Variants in MCPH1 observed in about 807,000 individuals in gnomAD.
The protein encoded by MCPH1 is microcephalin 1, also known as microcephalin.
Under a neutral mutation model 84.5 loss-of-function variants are expected in MCPH1, and 104 were observed. That is an observed-to-expected ratio of 1.23 (90% CI 1.05 to 1.45). The LOEUF is 1.45. Among genes scored for constraint, MCPH1 ranks in the 40% most tolerant of loss-of-function variants. The pLI is 0.00. For missense variants in MCPH1, 1,498 were observed against 1,005.7 expected (o/e 1.49, Z -6.62); for synonymous variants, 514 against 366.8 (o/e 1.40, Z -4.58).
intron 12 of MCPH1, among the ~76,000 whole-genome samples, chr8:6,523,043 A>G (rs3020222): frequency 0.075 from 11,427 of 151,578 alleles, 516 homozygotes; most frequent in African/African-American, 0.12. Context: ...TGTCACCCAG[A>G]CTGGAGTGCA....
At chr8:6,413,417 T>A (rs1798813426) in intron 2 of MCPH1, among the ~76,000 whole-genome samples, 1 of 151,414 alleles carries the variant, frequency 6.6e-6, no homozygotes, top group South Asian at 2.1e-4. Context: ...TGTGGGGGAT[T>A]CTTTTGATCT....
chr8:6,474,825 A>T (rs1376594889), intron 9 of MCPH1, among the ~76,000 whole-genome samples: 1 of 152,086 alleles, frequency 6.6e-6, no homozygotes. Flanking sequence ...ATAGCGAGAG[A>T]CCCCATCTTA....
At chr8:6,563,393 G>GCCT (rs1311096411) in intron 12 of MCPH1, 1 of 154,930 alleles carries the variant, frequency 6.5e-6, no homozygotes. Context: ...AGAGCAGAAT[G>GCCT]CCTGCCCTCC....
intron 12 of MCPH1, among the ~76,000 whole-genome samples, chr8:6,559,230 A>ACACACAC (rs113856995): frequency 6.8e-6 from 1 of 146,726 alleles, no homozygotes; most frequent in Non-Finnish European, 1.5e-5. Flanking sequence ...CACACACGAC[A>ACACACAC]ACACACACAC....
intron 12 of MCPH1, among the ~76,000 whole-genome samples, chr8:6,549,172 A>G (rs1328451764): frequency 7.9e-5 from 12 of 152,232 alleles, no homozygotes; most frequent in Non-Finnish European, 1.2e-4. Context: ...GGGTTTGTAC[A>G]GTTGAGTGTT....
chr8:6,467,961 A>T (rs571368742), intron 9 of MCPH1, among the ~76,000 whole-genome samples: 1 of 152,314 alleles, frequency 6.6e-6, no homozygotes, highest in South Asian at 2.1e-4. Context: ...TCAAAATAGT[A>T]GCACTAGCCA....
At chr8:6,536,549 C>G (rs959642570) in intron 12 of MCPH1, among the ~76,000 whole-genome samples, 4 of 152,110 alleles carry the variant, frequency 2.6e-5, no homozygotes, top group African/African-American at 9.7e-5. Context: ...TTAAAGATGA[C>G]CAATGCCAAT....
chr8:6,504,783 G>C lies in MCPH1; in HGVS notation c.2214+4854G>C, dbSNP rs868103640. On this transcript the variant is annotated intron_variant, in intron 12 of 13. Transcript: ENST00000344683. Reference sequence around the variant, plus strand: ...GTTTTATTATTGTTAAGTCTCTTGTGACTAGTTTACAAACTAAACTTTGTA... The same window carrying C: ...GTTTTATTATTGTTAAGTCTCTTGTCACTAGTTTACAAACTAAACTTTGTA... 2.6e-5 allele frequency among the ~76,000 whole-genome samples: 4 copies of C among 152,242 alleles called. No homozygotes were observed. The South Asian group carries it at 8.3e-4, about 32-fold the overall frequency.
At chr8:6,523,048 A>C (rs1041090351) in intron 12 of MCPH1, among the ~76,000 whole-genome samples, 5 of 151,262 alleles carry the variant, frequency 3.3e-5, no homozygotes, top group Non-Finnish European at 7.4e-5. Flanking sequence ...CCCAGACTGG[A>C]GTGCAAGGGT....
At chr8:6,642,455 G>A (rs140599502) in intron 13 of MCPH1, among the ~76,000 whole-genome samples, 100 of 152,256 alleles carry the variant, frequency 6.6e-4, no homozygotes, top group African/African-American at 2.4e-3. Context: ...GGACTTTAGA[G>A]CTTCTTTAAT....
intron 9 of MCPH1, among the ~76,000 whole-genome samples, chr8:6,473,353 C>T (rs180823609): frequency 0.16 from 15,205 of 96,662 alleles, 1,193 homozygotes; most frequent in Middle Eastern, 0.38. Flanking sequence ...TTTTTTGAGA[C>T]GGAGTCGGGC....
intron 7 of MCPH1, among the ~76,000 whole-genome samples, chr8:6,442,730 T>G (rs1459244386): frequency 6.6e-6 from 1 of 152,246 alleles, no homozygotes; most frequent in African/African-American, 2.4e-5. Flanking sequence ...TTCTTACAGT[T>G]TCTTCACCTA....
At chr8:6,506,219 G>C (rs755557012) in intron 12 of MCPH1, among the ~76,000 whole-genome samples, 1 of 151,702 alleles carries the variant, frequency 6.6e-6, no homozygotes, top group South Asian at 2.1e-4. Context: ...CAGATTCATA[G>C]GTCAGTGCCT....
intron 13 of MCPH1, among the ~76,000 whole-genome samples, chr8:6,633,332 C>A (rs1391202139): frequency 6.6e-6 from 1 of 152,172 alleles, no homozygotes; most frequent in Non-Finnish European, 1.5e-5. Context: ...CAGCAAAATT[C>A]CTCTTTGTAA....
intron 11 of MCPH1, among the ~76,000 whole-genome samples, chr8:6,497,334 A>G (rs1011302023): frequency 5.9e-5 from 9 of 152,064 alleles, no homozygotes; most frequent in Non-Finnish European, 1.3e-4. Context: ...AAAAACAAAA[A>G]AAAAGAAAAA....
At chr8:6,427,632 C>T (rs983056149) in intron 3 of MCPH1, among the ~76,000 whole-genome samples, 9 of 152,050 alleles carry the variant, frequency 5.9e-5, no homozygotes, top group African/African-American at 1.7e-4. Flanking sequence ...CTCCTACCTC[C>T]GCCTCCCAAA....
chr8:6,626,469 G>GTTTTTTT, intron 13 of MCPH1: 1 of 827,076 alleles, frequency 1.2e-6, no homozygotes, highest in Non-Finnish European at 1.4e-6. Context: ...TGGTTTTTTT[G>GTTTTTTT]TTTTGTTTTT....
rs148015408 is a variant in MCPH1, at chr8:6,411,989, G to T, written c.114+2619G>T. Among the ~76,000 whole-genome samples, 27 of 152,290 alleles carry T rather than the reference G, an allele frequency of 1.8e-4. 1 individual carries two copies. In the East Asian group the frequency reaches 4.1e-3, roughly 23 times the overall value. On this transcript the variant is annotated intron_variant, in intron 2 of 13. Coordinates refer to ENST00000344683, the MANE Select transcript of MCPH1 (RefSeq NM_024596.5). Reference sequence around the variant, plus strand: ...AGTGAAAGAGAACCATTAAAAATGGGAGAAAAGATAATCGAAGGCAGGGCT... The same window carrying T: ...AGTGAAAGAGAACCATTAAAAATGGTAGAAAAGATAATCGAAGGCAGGGCT...
At chr8:6,608,001 A>C (rs1009874988) in intron 12 of MCPH1, among the ~76,000 whole-genome samples, 1 of 152,180 alleles carries the variant, frequency 6.6e-6, no homozygotes, top group South Asian at 2.1e-4. Flanking sequence ...CATTTGGAAT[A>C]GTGTTTTTTG....
Sources: gnomAD v4.1 joint callset for allele counts (sites outside exome capture counted in the v4.1 genomes callset) on GRCh38, gnomAD v4.1.1 for gene constraint, MANE v1.5 for transcripts, NCBI Gene and HGNC (gene_info 2026-07-23, HGNC 2026-07-21) for gene names.